ZNF827: variants seen among roughly 807,000 people sequenced by gnomAD.
ZNF827 encodes the protein zinc finger protein 827.
ZNF827 carries 13 observed loss-of-function variants against 102.4 expected under a neutral mutation model. That is an observed-to-expected ratio of 0.13 (90% confidence interval 0.08 to 0.20). ZNF827 has a LOEUF of 0.20. Among genes scored for constraint, ZNF827 ranks in the 10% least tolerant of loss-of-function variants. The pLI, the probability that ZNF827 is intolerant of heterozygous loss-of-function variation, is 1.00. For missense variants in ZNF827, 1,103 were observed against 1,344.4 expected (o/e 0.82, Z 2.81); for synonymous variants, 523 against 536.2 (o/e 0.98, Z 0.34).
chr4:145,886,183 G>C, intron 3 of ZNF827, 25 bp from the exon 4 acceptor site: 1 of 1,557,646 alleles, frequency 6.4e-7, no homozygotes, highest in Non-Finnish European at 8.7e-7. Flanking sequence ...AGAAGAATGA[G>C]CTAGCCACCG....
intron 7 of ZNF827, among the ~76,000 whole-genome samples, chr4:145,824,408 A>G (rs577426449): frequency 9.2e-5 from 14 of 152,222 alleles, no homozygotes; most frequent in Non-Finnish European, 2.1e-4. Flanking sequence ...TTTATTTACA[A>G]CAGACGAAAT....
intron 5 of ZNF827, among the ~76,000 whole-genome samples, chr4:145,869,060 G>C (rs1228099105): frequency 1.3e-5 from 2 of 152,134 alleles, no homozygotes; most frequent in African/African-American, 4.8e-5. Flanking sequence ...ATCTGCATAG[G>C]AGGTACTGCA....
intron 8 of ZNF827, among the ~76,000 whole-genome samples, chr4:145,785,161 T>C (rs1283780657): frequency 6.6e-6 from 1 of 152,212 alleles, no homozygotes; most frequent in Non-Finnish European, 1.5e-5. Flanking sequence ...AGGAGAACGA[T>C]CTCATCTTAG....
At chr4:145,925,161 A>G (rs1028106160) in intron 1 of ZNF827, among the ~76,000 whole-genome samples, 1 of 152,176 alleles carries the variant, frequency 6.6e-6, no homozygotes, top group African/African-American at 2.4e-5. Flanking sequence ...ACACCACAGG[A>G]AAGACCCATC....
chr4:145,864,766 G>A (rs1748033081), intron 5 of ZNF827, among the ~76,000 whole-genome samples: 1 of 152,052 alleles, frequency 6.6e-6, no homozygotes, highest in Non-Finnish European at 1.5e-5. Context: ...TCTACATTTA[G>A]CCTTTTATGG....
intron 2 of ZNF827, among the ~76,000 whole-genome samples, 171 bp downstream of exon 2, chr4:145,901,995 C>T (rs1357707820): frequency 6.6e-6 from 1 of 152,158 alleles, no homozygotes; most frequent in Non-Finnish European, 1.5e-5. Flanking sequence ...TTGTGTAATA[C>T]GTACATGAAA....
At chr4:145,810,654 T>C (rs1232243649) in intron 8 of ZNF827, among the ~76,000 whole-genome samples, 5 of 152,236 alleles carry the variant, frequency 3.3e-5, no homozygotes, top group Non-Finnish European at 5.9e-5. Flanking sequence ...AATGGGATCA[T>C]GTCACGCATG....
intron 2 of ZNF827, among the ~76,000 whole-genome samples, chr4:145,895,636 T>C (rs1346831736): frequency 6.6e-6 from 1 of 152,226 alleles, no homozygotes; most frequent in African/African-American, 2.4e-5. Flanking sequence ...GATTTTCACC[T>C]TTGGCCAGTC....
At chr4:145,774,755 T>A in intron 10 of ZNF827, 83 bp from the exon 11 acceptor site, 1 of 1,426,328 alleles carries the variant, frequency 7.0e-7, no homozygotes, top group Non-Finnish European at 9.6e-7. Flanking sequence ...TTATACACAG[T>A]ACACTCAAGA....
chr4:145,915,190 G>A (rs1752581798), intron 1 of ZNF827, among the ~76,000 whole-genome samples: 1 of 152,200 alleles, frequency 6.6e-6, no homozygotes, highest in African/African-American at 2.4e-5. Flanking sequence ...GCTCACGCCT[G>A]TAATCTCAGC....
rs1325197661 is a variant in ZNF827 at position 145,823,464 on chromosome 4, G to A, written c.2341C>T (p.Leu781=). Residue 781 remains leucine, a synonymous_variant, in exon 8 of 15, where the codon CTG becomes TTG. Transcript: ENST00000508784. ...SPFTSNSKEL[L]PSDSVLHGRI... ...CCGTGCAGCACGGAGTCACTGGGCAGCAGTTCTTTTGAATTGGAGGTGAAT... is the reference window on the plus strand; with the variant it reads ...CCGTGCAGCACGGAGTCACTGGGCAACAGTTCTTTTGAATTGGAGGTGAAT... 1.2e-6 allele frequency: 2 copies of A among 1,613,618 alleles called. No individual in the cohort carries two copies. Among genetic ancestry groups the A allele is most frequent in the Non-Finnish European group, 1.7e-6 (2 of 1,179,970 alleles).
chr4:145,838,544 T>G (rs887775241), intron 7 of ZNF827, among the ~76,000 whole-genome samples: 10 of 151,856 alleles, frequency 6.6e-5, no homozygotes, highest in South Asian at 2.1e-4. Flanking sequence ...AACAATTTTT[T>G]GGGGGGGGAC....
intron 2 of ZNF827, among the ~76,000 whole-genome samples, chr4:145,899,773 T>C (rs1362355073): frequency 2.0e-5 from 3 of 152,184 alleles, no homozygotes; most frequent in South Asian, 2.1e-4. Context: ...CAGAGGCATG[T>C]TGAAATGGGA....
rs775458175 is a variant in ZNF827, at chr4:145,761,612, C to G, written c.*18-14G>C. 2.4e-6 allele frequency: 3 copies of G among 1,240,420 alleles called. No homozygotes were observed. In the South Asian group the frequency reaches 4.1e-5, roughly 17 times the overall value. 76.8% of individuals were successfully genotyped at this position (1,240,420 alleles called of 1,614,324 possible). The stretch of plus-strand genomic sequence containing the variant: ...CAGAATGGGCACCTGCCGGGGAAAG[C>G]AACGCAAGGGAGGTTCAGCCGGGAA... On this transcript the variant is annotated splice_polypyrimidine_tract_variant and intron_variant, in intron 14 of 14. Transcript: ENST00000508784. This position sits in a 1 kb window ranked among gnomAD's most constrained non-coding sequence, Gnocchi z 6.8.
chr4:145,868,771 C>A (rs1748426988), intron 5 of ZNF827, among the ~76,000 whole-genome samples: 1 of 152,154 alleles, frequency 6.6e-6, no homozygotes, highest in Non-Finnish European at 1.5e-5. Context: ...AAACTCTGAA[C>A]TAGAAATATT....
chr4:145,841,233 T>C (rs1745385193), intron 7 of ZNF827, among the ~76,000 whole-genome samples: 1 of 152,238 alleles, frequency 6.6e-6, no homozygotes, highest in African/African-American at 2.4e-5. Context: ...CCAATTCACC[T>C]GCCAGGAGCT....
intron 11 of ZNF827, among the ~76,000 whole-genome samples, chr4:145,770,597 AAT>A (rs1195567515): frequency 2.0e-5 from 3 of 151,794 alleles, no homozygotes; most frequent in Non-Finnish European, 4.4e-5. Flanking sequence ...TACATAATAA[AAT>A]ATAATAATAA....
chr4:145,919,073 T>A (rs377105531), intron 1 of ZNF827, among the ~76,000 whole-genome samples: 1 of 151,840 alleles, frequency 6.6e-6, no homozygotes, highest in African/African-American at 2.4e-5. Context: ...CTGGGCAACA[T>A]AGCAAGACTC....
At chr4:145,873,599 C>A (rs1488050121) in intron 4 of ZNF827, among the ~76,000 whole-genome samples, 4 of 152,204 alleles carry the variant, frequency 2.6e-5, no homozygotes, top group African/African-American at 9.6e-5. Flanking sequence ...TAAAATCTAG[C>A]CCTTTGGGGA....
Sources: allele counts gnomAD v4.1 joint callset (sites outside exome capture counted in the v4.1 genomes callset), GRCh38; gene constraint gnomAD v4.1.1; non-coding constraint Gnocchi (gnomAD v3.1); transcripts MANE v1.5; gene names NCBI Gene and HGNC (gene_info 2026-07-23, HGNC 2026-07-21).